The following MTSS1 variants were observed in gnomAD, a reference collection of about 807,000 sequenced individuals.
MTSS1 encodes MTSS I-BAR domain containing 1, also known as protein MTSS 1.
In MTSS1, 18 loss-of-function variants were observed where a neutral mutation model predicts 79.0. The observed-to-expected ratio is 0.23, with a 90% CI of 0.16 to 0.34. The LOEUF (loss-of-function observed/expected upper bound fraction) is 0.34. Ranked by LOEUF, MTSS1 falls within the 10% of genes least tolerant of loss-of-function variation. The probability of loss-of-function intolerance (pLI) is 1.00; values close to 1 mark genes in which losing one functional copy is unlikely to be tolerated. For missense variants in MTSS1, 815 were observed against 986.2 expected (o/e 0.83, Z 2.33); for synonymous variants, 341 against 368.6 (o/e 0.93, Z 0.86).
intron 9 of MTSS1, among the ~76,000 whole-genome samples, chr8:124,564,093 T>C (rs1302222766): frequency 7.4e-6 from 1 of 134,830 alleles, no homozygotes; most frequent in African/African-American, 2.9e-5. Flanking sequence ...ATTATGCCAC[T>C]GCACTCCACC....
intron 1 of MTSS1, among the ~76,000 whole-genome samples, chr8:124,707,543 T>C (rs1461880572): frequency 1.3e-5 from 2 of 151,990 alleles, no homozygotes; most frequent in Non-Finnish European, 2.9e-5. Context: ...AACCCATCTC[T>C]ACTAAAAATA....
intron 12 of MTSS1, 38 bp from the exon 13 acceptor site, chr8:124,555,942 G>C (rs766879304): frequency 2.9e-5 from 17 of 589,530 alleles, no homozygotes; most frequent in African/African-American, 5.7e-5. Flanking sequence ...GGTTGCTTTA[G>C]GGGGGGGGCT....
chr8:124,625,677 T>C (rs1814526404), intron 3 of MTSS1, among the ~76,000 whole-genome samples: 1 of 152,164 alleles, frequency 6.6e-6, no homozygotes. Context: ...ACACAAAAAC[T>C]GCAGCTTTGA....
intron 3 of MTSS1, among the ~76,000 whole-genome samples, chr8:124,593,953 C>A (rs1832311290): frequency 6.6e-6 from 1 of 150,416 alleles, no homozygotes; most frequent in Admixed American, 6.7e-5. Flanking sequence ...AGCCAGCTCT[C>A]ATATTTTGCT....
At chr8:124,570,169 G>C (rs941321708) in intron 6 of MTSS1, among the ~76,000 whole-genome samples, 8 of 152,192 alleles carry the variant, frequency 5.3e-5, no homozygotes, top group African/African-American at 1.9e-4. Context: ...TCACTTCTCA[G>C]ACAGGGAATA....
At chr8:124,678,653 C>G (rs1367193653) in intron 3 of MTSS1, among the ~76,000 whole-genome samples, 1 of 152,218 alleles carries the variant, frequency 6.6e-6, no homozygotes, top group African/African-American at 2.4e-5. Flanking sequence ...TTACCTCCCA[C>G]CAGGTCCCTC....
rs138145251 is a variant in MTSS1 at position 124,553,152 on chromosome 8, G to C, written c.2108C>G (p.Pro703Arg). ...CTGGCCTGGGGAGACAGTGGCACTTGGGGGTTCCCGTTCCTGGTCTTCAGC... is the reference window on the plus strand; with the variant it reads ...CTGGCCTGGGGAGACAGTGGCACTTCGGGGTTCCCGTTCCTGGTCTTCAGC... The part of the protein sequence containing the change: ...SEAEDQEREP[P>R]SATVSPGQIP... The change falls in exon 14 of 14, where the codon CCA becomes CGA. Residue 703 changes from proline (P) to arginine (R), a missense_variant. This residue lies in a region of MTSS1 where 590 missense variants were observed against 620.8 expected (regional missense o/e 0.95). Transcript: ENST00000518547. The surrounding 1 kb of genome is among the most constrained non-coding windows in gnomAD (Gnocchi z 6.0). The C allele has an allele frequency of 5.0e-6, 8 of 1,614,172 alleles. No individual in the cohort carries two copies. Among genetic ancestry groups the C allele is most frequent in the African/African-American group, 1.3e-5 (1 of 75,022 alleles).
chr8:124,594,747 C>T (rs1397337385), intron 3 of MTSS1, among the ~76,000 whole-genome samples: 1 of 152,192 alleles, frequency 6.6e-6, no homozygotes, highest in East Asian at 1.9e-4. Flanking sequence ...TCTGTGGACC[C>T]CAGGACTGAG....
chr8:124,592,374 G>T (rs985793694), intron 3 of MTSS1, among the ~76,000 whole-genome samples: 1 of 152,186 alleles, frequency 6.6e-6, no homozygotes, highest in Non-Finnish European at 1.5e-5. Flanking sequence ...GAAAACACTG[G>T]TGTTTGTGAA....
intron 3 of MTSS1, among the ~76,000 whole-genome samples, chr8:124,679,251 A>C (rs1048018907): frequency 2.5e-4 from 38 of 152,238 alleles, no homozygotes; most frequent in Non-Finnish European, 1.8e-4. Flanking sequence ...AACTGCTCTA[A>C]TAGGTAGGTA....
At chr8:124,633,520 C>A (rs1816409047) in intron 3 of MTSS1, among the ~76,000 whole-genome samples, 2 of 152,088 alleles carry the variant, frequency 1.3e-5, no homozygotes, top group African/African-American at 4.8e-5. Flanking sequence ...CTTGTAATCC[C>A]CGCACTTTGG....
chr8:124,656,257 A>G (rs966562233), intron 3 of MTSS1, among the ~76,000 whole-genome samples: 6 of 152,240 alleles, frequency 3.9e-5, no homozygotes, highest in African/African-American at 1.2e-4. Context: ...TAGGAAGAGA[A>G]AATCAGCTAT....
At chr8:124,628,011 A>G (rs1815077983) in intron 3 of MTSS1, among the ~76,000 whole-genome samples, 1 of 152,184 alleles carries the variant, frequency 6.6e-6, no homozygotes, top group Non-Finnish European at 1.5e-5. Flanking sequence ...TACTAAAAAT[A>G]CAAAAGTTAG....
chr8:124,600,792 C>T (rs1029216414), intron 3 of MTSS1, among the ~76,000 whole-genome samples: 3 of 152,234 alleles, frequency 2.0e-5, no homozygotes, highest in Non-Finnish European at 4.4e-5. Context: ...CAGAATTATT[C>T]CTTCTTCCCA....
intron 1 of MTSS1, among the ~76,000 whole-genome samples, chr8:124,723,342 A>C (rs1833218363): frequency 6.6e-6 from 1 of 152,222 alleles, no homozygotes; most frequent in Non-Finnish European, 1.5e-5. Context: ...TGGCTGAACC[A>C]GGCAAAATCC....
At chr8:124,574,237 C>T (rs191751749) in intron 6 of MTSS1, among the ~76,000 whole-genome samples, 130 of 152,284 alleles carry the variant, frequency 8.5e-4, no homozygotes, top group Non-Finnish European at 1.6e-3. Flanking sequence ...AGCCACCACA[C>T]CCGGCCACAG....
chr8:124,628,941 G>A (rs532444710), intron 3 of MTSS1, among the ~76,000 whole-genome samples: 164 of 152,212 alleles, frequency 1.1e-3, no homozygotes, highest in African/African-American at 3.5e-3. Context: ...TAACACACAC[G>A]GATTTTACAG....
chr8:124,684,143 G>A (rs142334467), intron 3 of MTSS1, among the ~76,000 whole-genome samples: 148 of 152,170 alleles, frequency 9.7e-4, no homozygotes, highest in African/African-American at 3.3e-3. Flanking sequence ...AAGCTACTTT[G>A]CATTCCTTTT....
intron 3 of MTSS1, among the ~76,000 whole-genome samples, chr8:124,641,193 A>T (rs1817978450): frequency 6.6e-6 from 1 of 152,168 alleles, no homozygotes; most frequent in African/African-American, 2.4e-5. Flanking sequence ...GGTCAAATGG[A>T]CCAGGGGAAT....
Sources: gnomAD v4.1 joint callset for allele counts (sites outside exome capture counted in the v4.1 genomes callset) on GRCh38, gnomAD v4.1.1 for gene constraint, gnomAD v4.1.1 regional missense constraint, Gnocchi (gnomAD v3.1) non-coding constraint, MANE v1.5 for transcripts, NCBI Gene and HGNC (gene_info 2026-07-23, HGNC 2026-07-21) for gene names.